Variants in FAR1 observed in about 807,000 individuals in gnomAD.
The protein encoded by FAR1 is fatty acyl-CoA reductase 1.
FAR1 carries 22 observed loss-of-function variants against 61.1 expected under a neutral mutation model. That is an observed-to-expected ratio of 0.36 (90% CI 0.26 to 0.51). The LOEUF (loss-of-function observed/expected upper bound fraction) is 0.51. FAR1 is among the 20% of genes least tolerant of loss of function. The pLI is 0.95. For synonymous variants in FAR1, 206 were observed against 209.7 expected (o/e 0.98, Z 0.15); for missense variants, 359 against 626.9 (o/e 0.57, Z 4.56).
intron 10 of FAR1, among the ~76,000 whole-genome samples, chr11:13,725,570 ACT>A (rs1848660189): frequency 6.6e-6 from 1 of 152,178 alleles, no homozygotes. Context: ...CTAAAGTTAG[ACT>A]GGGATATTAT....
intron 10 of FAR1, among the ~76,000 whole-genome samples, chr11:13,724,015 T>G (rs1443489191): frequency 6.6e-6 from 1 of 152,200 alleles, no homozygotes; most frequent in African/African-American, 2.4e-5. Context: ...TTGAGCTAGG[T>G]CTCACCCATG....
At chr11:13,708,445 G>GCACACA (rs1208535632) in intron 4 of FAR1, among the ~76,000 whole-genome samples, 6 of 81,224 alleles carry the variant, frequency 7.4e-5, no homozygotes, top group African/African-American at 1.3e-4. Context: ...GCGCGCGCGC[G>GCACACA]CGCACACACA....
intron 1 of FAR1, among the ~76,000 whole-genome samples, chr11:13,691,971 C>T (rs1243331385): frequency 1.3e-5 from 2 of 152,104 alleles, no homozygotes; most frequent in Non-Finnish European, 2.9e-5. Context: ...AGTTCAAGAC[C>T]AGCCTGGCCA....
chr11:13,697,354 C>T (rs373218448), intron 2 of FAR1, among the ~76,000 whole-genome samples: 26 of 151,808 alleles, frequency 1.7e-4, no homozygotes, highest in African/African-American at 5.6e-4. Context: ...CCCAGCTACT[C>T]GGGAGGCTGA....
intron 1 of FAR1, among the ~76,000 whole-genome samples, chr11:13,673,615 CTGAG>C (rs1290654112): frequency 6.6e-6 from 1 of 152,206 alleles, no homozygotes; most frequent in Non-Finnish European, 1.5e-5. Flanking sequence ...GACTCTTGCT[CTGAG>C]TGTTTGTGCT....
chr11:13,726,865 T>G (rs1848671995), intron 10 of FAR1, among the ~76,000 whole-genome samples: 1 of 152,004 alleles, frequency 6.6e-6, no homozygotes, highest in South Asian at 2.1e-4. Context: ...TTATAGTAGC[T>G]TTCCCTTCCT....
intron 4 of FAR1, among the ~76,000 whole-genome samples, chr11:13,710,334 C>CT (rs1848483868): frequency 6.6e-6 from 1 of 152,070 alleles, no homozygotes; most frequent in South Asian, 2.1e-4. Flanking sequence ...TAAGAAAAAA[C>CT]TTTAACTTGA....
At chr11:13,707,839 T>A in intron 3 of FAR1, 61 bp from the exon 4 acceptor site, 1 of 1,249,948 alleles carries the variant, frequency 8.0e-7, no homozygotes. Context: ...AAATGATATT[T>A]TTAACAGGTA....
At chr11:13,725,086 A>G (rs182926100) in intron 10 of FAR1, among the ~76,000 whole-genome samples, 1 of 152,238 alleles carries the variant, frequency 6.6e-6, no homozygotes, top group Admixed American at 6.5e-5. Context: ...GTATTTTTTC[A>G]TTCTTCTGTT....
At chr11:13,710,347 T>C (rs1848483984) in intron 4 of FAR1, among the ~76,000 whole-genome samples, 1 of 152,110 alleles carries the variant, frequency 6.6e-6, no homozygotes, top group Non-Finnish European at 1.5e-5. Flanking sequence ...TAACTTGATC[T>C]GGGTTAGTAT....
At chr11:13,727,756 G>T in intron 11 of FAR1, 73 bp downstream of exon 11, 3 of 1,390,222 alleles carry the variant, frequency 2.2e-6, no homozygotes, top group South Asian at 2.8e-5. Flanking sequence ...TTGGTAAACT[G>T]GTATATTTGC....
At chr11:13,710,657 A>C in intron 4 of FAR1, 36 bp from the exon 5 acceptor site, 1 of 1,519,418 alleles carries the variant, frequency 6.6e-7, no homozygotes, top group Non-Finnish European at 8.8e-7. Context: ...ATAGTAAAAT[A>C]TCTGGAAATA....
At chr11:13,701,145 T>G (rs778559864) in intron 3 of FAR1, among the ~76,000 whole-genome samples, 23 of 152,044 alleles carry the variant, frequency 1.5e-4, no homozygotes, top group Non-Finnish European at 3.1e-4. Flanking sequence ...AAAATACAGT[T>G]TTTATAATGT....
intron 6 of FAR1, 49 bp downstream of exon 6, chr11:13,711,857 T>C: frequency 1.9e-6 from 3 of 1,551,022 alleles, no homozygotes; most frequent in Non-Finnish European, 2.6e-6. Flanking sequence ...TTTTCTGCTT[T>C]TTGTATATCT....
At chr11:13,691,729 T>G (rs1290163019) in intron 1 of FAR1, among the ~76,000 whole-genome samples, 1 of 152,226 alleles carries the variant, frequency 6.6e-6, no homozygotes, top group African/African-American at 2.4e-5. Flanking sequence ...CTCAGTAGTA[T>G]TCCATTGTAT....
At chr11:13,708,438 C>CGT (rs1565348095) in intron 4 of FAR1, among the ~76,000 whole-genome samples, 13 of 96,704 alleles carry the variant, frequency 1.3e-4, no homozygotes, top group East Asian at 8.5e-4. Context: ...TACATGTGCG[C>CGT]GCGCGCGCGC....
chr11:13,672,358 T>C (rs150529036), intron 1 of FAR1, among the ~76,000 whole-genome samples: 288 of 149,020 alleles, frequency 1.9e-3, no homozygotes, highest in African/African-American at 6.6e-3. Flanking sequence ...AAGAGCAGCC[T>C]GGGCAACATG....
At chr11:13,697,604 T>C (rs1438867324) in intron 2 of FAR1, among the ~76,000 whole-genome samples, 1 of 152,066 alleles carries the variant, frequency 6.6e-6, no homozygotes, top group Non-Finnish European at 1.5e-5. Flanking sequence ...AAGATGGTAT[T>C]GAGTAAAGAG....
intron 1 of FAR1, among the ~76,000 whole-genome samples, chr11:13,673,338 G>A (rs1003432464): frequency 1.3e-5 from 2 of 152,190 alleles, no homozygotes; most frequent in Non-Finnish European, 2.9e-5. Context: ...AGGCACTGTA[G>A]CATAATCCTT....
Sources: gnomAD v4.1 joint callset for allele counts (sites outside exome capture counted in the v4.1 genomes callset) on GRCh38, gnomAD v4.1.1 for gene constraint, MANE v1.5 for transcripts, NCBI Gene and HGNC (gene_info 2026-07-23, HGNC 2026-07-21) for gene names.